CDH18: variants seen among roughly 807,000 people sequenced by gnomAD.
CDH18 encodes the protein cadherin 18.
CDH18 carries 31 observed loss-of-function variants against 67.9 expected under a neutral mutation model. The observed-to-expected ratio is 0.46, with a 90% confidence interval of 0.34 to 0.62. The LOEUF (loss-of-function observed/expected upper bound fraction) is 0.62. Among genes scored for constraint, CDH18 ranks in the 20% least tolerant of loss-of-function variants. The probability of loss-of-function intolerance (pLI) is 0.01; values close to 1 mark genes in which losing one functional copy is unlikely to be tolerated. For synonymous variants in CDH18, 362 were observed against 347.2 expected (o/e 1.04, Z -0.48); for missense variants, 890 against 975.5 (o/e 0.91, Z 1.17).
intron 8 of CDH18, among the ~76,000 whole-genome samples, chr5:19,567,671 T>C (rs9292668): frequency 0.74 from 112,448 of 151,940 alleles, 41,770 homozygotes; most frequent in South Asian, 0.79. Context: ...GTAAATTATG[T>C]CCCCAAACAG....
At chr5:19,660,552 G>C (rs1408536100) in intron 5 of CDH18, among the ~76,000 whole-genome samples, 1 of 152,100 alleles carries the variant, frequency 6.6e-6, no homozygotes, top group East Asian at 1.9e-4. Context: ...CTTTTACTTG[G>C]TTGTGCTTAA....
intron 2 of CDH18, among the ~76,000 whole-genome samples, chr5:20,069,121 T>G (rs751687234): frequency 6.6e-6 from 1 of 152,032 alleles, no homozygotes; most frequent in African/African-American, 2.4e-5. Context: ...GATGCTAGGG[T>G]TCATTTTTAT....
chr5:20,374,189 A>T (rs2150089086), intron 1 of CDH18, among the ~76,000 whole-genome samples: 1 of 152,306 alleles, frequency 6.6e-6, no homozygotes, highest in Non-Finnish European at 1.5e-5. Flanking sequence ...CTGATTTAGT[A>T]ATCTGTTCCC....
intron 2 of CDH18, among the ~76,000 whole-genome samples, chr5:20,169,476 G>A (rs1242392520): frequency 1.3e-5 from 2 of 152,068 alleles, no homozygotes; most frequent in African/African-American, 2.4e-5. Context: ...TCAGTTCTAA[G>A]TAAAGAAAGT....
Position 20,343,018 on chromosome 5 carries a change from T to C in CDH18, c.-579-87513A>G, listed in dbSNP as rs562646485. On this transcript the variant is annotated intron_variant, in intron 1 of 14. Coordinates refer to the CDH18 transcript ENST00000507958. ...CATCTTTGAAGAGCCCTATAATTGC[T>C]TTTCTCTGTATGTCAGATCTAACGG... is the stretch of plus-strand genomic sequence containing the variant. 7.4e-4 allele frequency among the ~76,000 whole-genome samples: 113 copies of C among 152,262 alleles called. 1 individual carries two copies. The highest frequency in any genetic ancestry group is 2.7e-3 in the African/African-American group (111 of 41,572).
At chr5:20,065,886 A>G (rs1183764129) in intron 2 of CDH18, among the ~76,000 whole-genome samples, 2 of 152,018 alleles carry the variant, frequency 1.3e-5, no homozygotes, top group Non-Finnish European at 2.9e-5. Flanking sequence ...ATTTAATATC[A>G]TAAAGGCAAT....
chr5:20,502,068 T>C (rs1581118414), intron 1 of CDH18, among the ~76,000 whole-genome samples: 1 of 152,194 alleles, frequency 6.6e-6, no homozygotes. Context: ...TCTGACACCA[T>C]TGTTCAGAAA....
intron 2 of CDH18, among the ~76,000 whole-genome samples, chr5:20,249,111 T>G (rs1307032786): frequency 6.6e-6 from 1 of 152,120 alleles, no homozygotes; most frequent in African/African-American, 2.4e-5. Flanking sequence ...TAATATCAAC[T>G]GTACAAAAAT....
chr5:20,334,801 C>T (rs760548532), intron 1 of CDH18, among the ~76,000 whole-genome samples: 2 of 147,738 alleles, frequency 1.4e-5, no homozygotes, highest in Non-Finnish European at 3.0e-5. Context: ...CAAATGGCTT[C>T]TCCACCTCAA....
intron 2 of CDH18, among the ~76,000 whole-genome samples, chr5:19,973,536 G>A (rs1798223837): frequency 6.6e-6 from 1 of 152,084 alleles, no homozygotes; most frequent in South Asian, 2.1e-4. Flanking sequence ...TTTTTACTTG[G>A]AGGTGAGAAA....
At chr5:20,216,538 C>G (rs188251678) in intron 2 of CDH18, among the ~76,000 whole-genome samples, 105 of 152,010 alleles carry the variant, frequency 6.9e-4, no homozygotes, top group Non-Finnish European at 5.9e-4. Context: ...ACTTCTTCTT[C>G]ATTATTATAT....
intron 1 of CDH18, among the ~76,000 whole-genome samples, chr5:20,369,126 T>A (rs544406400): frequency 6.6e-6 from 1 of 151,596 alleles, no homozygotes; most frequent in South Asian, 2.1e-4. Flanking sequence ...CCCGGAAAAT[T>A]GATTTTTTTT....
intron 2 of CDH18, among the ~76,000 whole-genome samples, chr5:20,052,224 A>G (rs1412322328): frequency 3.9e-5 from 6 of 152,048 alleles, no homozygotes. Context: ...CTGACTTCAA[A>G]GTTTTACCTG....
At chr5:19,649,354 T>C (rs763238484) in intron 5 of CDH18, among the ~76,000 whole-genome samples, 1 of 152,128 alleles carries the variant, frequency 6.6e-6, no homozygotes, top group Non-Finnish European at 1.5e-5. Flanking sequence ...GTTAAAGATA[T>C]GTGTTCAGCT....
intron 2 of CDH18, among the ~76,000 whole-genome samples, chr5:19,979,874 A>G (rs180905576): frequency 1.2e-3 from 184 of 152,302 alleles, no homozygotes; most frequent in Middle Eastern, 3.4e-3. Context: ...GAAAAGTTGA[A>G]AGCATTCCCT....
At chr5:19,755,985 A>T (rs974191111) in intron 3 of CDH18, among the ~76,000 whole-genome samples, 1 of 152,146 alleles carries the variant, frequency 6.6e-6, no homozygotes, top group African/African-American at 2.4e-5. Context: ...GTATCCTTCA[A>T]TCCAATCAAG....
At chr5:19,784,297 T>C (rs1370599014) in intron 3 of CDH18, among the ~76,000 whole-genome samples, 1 of 152,190 alleles carries the variant, frequency 6.6e-6, no homozygotes, top group Non-Finnish European at 1.5e-5. Flanking sequence ...AAAAGTTAGA[T>C]TCTTATGTTC....
At chr5:20,201,617 C>T (rs549866390) in intron 2 of CDH18, among the ~76,000 whole-genome samples, 1 of 151,836 alleles carries the variant, frequency 6.6e-6, no homozygotes, top group African/African-American at 2.4e-5. Context: ...CAAACAGTAT[C>T]TAGAAACCAG....
Position 19,473,306 on chromosome 5 carries a change from G to A in CDH18, c.2293C>T (p.His765Tyr). The A allele has an allele frequency of 6.2e-7, 1 of 1,613,830 alleles. No homozygotes were observed. The change falls in exon 13 of 13, where the codon CAC becomes TAC. Residue 765 changes from histidine (H) to tyrosine (Y), a missense_variant. Around this residue, in one of 2 missense-constraint regions of CDH18, gnomAD observed 656 missense variants for 668.1 expected, o/e 0.98. Coordinates refer to ENST00000382275, the MANE Select transcript of CDH18 (RefSeq NM_004934.5). ...TCGGGTCCCCAGTCTCCAAGGTAGT[G>A]ATAATCCTGGTCTGATTGTGTCGTT... ...SATTQSDQDY[H>Y]YLGDWGPEFK...
Sources: allele counts gnomAD v4.1 joint callset (sites outside exome capture counted in the v4.1 genomes callset), GRCh38; gene constraint gnomAD v4.1.1; regional missense constraint gnomAD v4.1.1; transcripts MANE v1.5; gene names NCBI Gene and HGNC (gene_info 2026-07-23, HGNC 2026-07-21).